The following DNAH14 variants were observed in gnomAD, a reference collection of about 807,000 sequenced individuals.
DNAH14 encodes dynein axonemal heavy chain 14, also known as axonemal beta dynein heavy chain 14.
In DNAH14, 478 loss-of-function variants were observed where a neutral mutation model predicts 520.9. The ratio of observed to expected loss-of-function variants is 0.92; its 90% confidence interval spans 0.85 to 0.99. The LOEUF (loss-of-function observed/expected upper bound fraction) is 0.99. DNAH14 is among the 50% of genes least tolerant of loss of function. DNAH14 has a pLI of 0.00. For missense variants in DNAH14, 4,831 were observed against 5,234.5 expected, an observed-to-expected ratio of 0.92 and a Z score of 2.38; for synonymous variants, 1,581 against 1,757.2, an observed-to-expected ratio of 0.90 and a Z score of 2.51.
intron 76 of DNAH14, among the ~76,000 whole-genome samples, chr1:225,366,880 A>G (rs2095559316): frequency 6.6e-6 from 1 of 152,056 alleles, no homozygotes. Context: ...AAAAGAGGAA[A>G]GGCTGCTTTG....
intron 83 of DNAH14, among the ~76,000 whole-genome samples, chr1:225,390,107 C>T (rs1037261711): frequency 1.3e-5 from 2 of 152,158 alleles, no homozygotes; most frequent in African/African-American, 4.8e-5. Flanking sequence ...ATTTCACCTG[C>T]GCCTTGGCAG....
chr1:225,097,375 T>G (rs2075081021), intron 22 of DNAH14, 136 bp downstream of exon 22: 1 of 801,668 alleles, frequency 1.2e-6, no homozygotes, highest in South Asian at 2.8e-5. Flanking sequence ...TATAATTTGC[T>G]GAATCATTAT....
At chr1:225,273,184 G>T in intron 52 of DNAH14, 59 bp downstream of exon 52, 1 of 1,478,994 alleles carries the variant, frequency 6.8e-7, no homozygotes, top group Non-Finnish European at 9.0e-7. Context: ...TGTAATCCCA[G>T]CACTTTGGGA....
At chr1:225,308,779 T>C (rs2094299758) in intron 60 of DNAH14, among the ~76,000 whole-genome samples, 1 of 152,214 alleles carries the variant, frequency 6.6e-6, no homozygotes, top group Non-Finnish European at 1.5e-5. Context: ...GTCACTTCTG[T>C]TGCTGACTGA....
At position 225,389,864 on chromosome 1, in the gene DNAH14, T is replaced by C; in HGVS notation, c.13321T>C (p.Phe4441Leu). Residue 4441 changes from phenylalanine (F) to leucine (L), a missense_variant, in exon 83 of 86, where the codon TTT (phenylalanine) becomes CTT (leucine). Coordinates refer to ENST00000682510, the MANE Select transcript of DNAH14 (RefSeq NM_001367479.1). ...AAGATACTGGCTCCCAGCTTTCTTC[T>C]TTCCACAAGGTGAGCATTAGAACCA... ...PSRYWLPAFF[F>L]PQAFLAAVLQ... The C allele has an allele frequency of 6.4e-7, 1 of 1,551,678 alleles. No individual in the cohort carries two copies.
intron 11 of DNAH14, among the ~76,000 whole-genome samples, chr1:225,029,231 G>C (rs958841511): frequency 1.3e-5 from 2 of 151,940 alleles, no homozygotes; most frequent in Admixed American, 1.3e-4. Flanking sequence ...AAACTGGAAG[G>C]GCAGAAATCA....
At chr1:225,225,865 C>A in intron 41 of DNAH14, among the ~76,000 whole-genome samples, 1 of 152,216 alleles carries the variant, frequency 6.6e-6, no homozygotes, top group Non-Finnish European at 1.5e-5. Context: ...TGCTAGGACC[C>A]AACCCAGTAC....
intron 60 of DNAH14, among the ~76,000 whole-genome samples, chr1:225,318,353 G>A (rs955241000): frequency 2.0e-5 from 3 of 152,134 alleles, no homozygotes; most frequent in Non-Finnish European, 4.4e-5. Flanking sequence ...CAGTGTTTTT[G>A]CTTCCCATGT....
chr1:225,305,009 C>T lies in DNAH14; in HGVS notation c.8925C>T (p.Thr2975=), dbSNP rs1422143338. Residue 2975 remains threonine, a synonymous_variant, in exon 58 of 86, where the codon ACC becomes ACT. Coordinates refer to ENST00000682510, the MANE Select transcript of DNAH14 (RefSeq NM_001367479.1). The stretch of plus-strand genomic sequence containing the variant: ...AAGAAACTGGAAGATTTTATTATAC[C>T]ACTCCCAATAGCTACTTGCAATTTA... ...YFEETGRFYY[T]TPNSYLQFME... The T allele has an allele frequency of 3.9e-6, 6 of 1,546,460 alleles. No homozygotes were observed. The Admixed American group carries it at 6.0e-5, about 16-fold the overall frequency.
intron 78 of DNAH14, among the ~76,000 whole-genome samples, chr1:225,376,106 C>A (rs956628272): frequency 6.6e-6 from 1 of 151,676 alleles, no homozygotes; most frequent in African/African-American, 2.4e-5. Context: ...GGAAAAAAAA[C>A]TGTTTAAAAT....
intron 35 of DNAH14, among the ~76,000 whole-genome samples, chr1:225,165,543 AT>A (rs1041805750): frequency 1.4e-5 from 2 of 145,870 alleles, no homozygotes; most frequent in Admixed American, 6.7e-5. Flanking sequence ...GATTTTATAG[AT>A]TTTGTTTTTT....
At chr1:225,245,541 C>T (rs115536631) in intron 43 of DNAH14, among the ~76,000 whole-genome samples, 1 of 152,026 alleles carries the variant, frequency 6.6e-6, no homozygotes, top group Admixed American at 6.6e-5. Flanking sequence ...CATTCCTATA[C>T]ACCAATATAG....
chr1:225,122,084 GA>G (rs910454556), intron 26 of DNAH14, among the ~76,000 whole-genome samples: 1 of 151,918 alleles, frequency 6.6e-6, no homozygotes, highest in Non-Finnish European at 1.5e-5. Flanking sequence ...TTAAAATGTA[GA>G]AAAAAAGTTC....
At chr1:224,940,264 C>T (rs2059322907) in intron 1 of DNAH14, among the ~76,000 whole-genome samples, 1 of 152,148 alleles carries the variant, frequency 6.6e-6, no homozygotes, top group Non-Finnish European at 1.5e-5. Flanking sequence ...TCTTTAAGGG[C>T]TGGGCCTGGA....
intron 8 of DNAH14, among the ~76,000 whole-genome samples, chr1:224,990,867 TCC>T (rs1168877327): frequency 5.9e-5 from 9 of 152,124 alleles, no homozygotes; most frequent in Non-Finnish European, 1.3e-4. Context: ...TTGAGGAACC[TCC>T]ATACAGTTTT....
At chr1:224,950,889 AT>A (rs2060129301) in intron 1 of DNAH14, among the ~76,000 whole-genome samples, 4 of 152,188 alleles carry the variant, frequency 2.6e-5, no homozygotes, top group African/African-American at 9.7e-5. Context: ...AAAATACTTA[AT>A]TATTATTACC....
chr1:225,166,212 A>G (rs772837901), intron 35 of DNAH14, among the ~76,000 whole-genome samples: 17 of 152,064 alleles, frequency 1.1e-4, no homozygotes, highest in Non-Finnish European at 2.1e-4. Context: ...ATGCCCATCA[A>G]TGGTTTTACT....
chr1:225,102,565 T>G (rs1488611997), intron 23 of DNAH14, among the ~76,000 whole-genome samples: 1 of 152,214 alleles, frequency 6.6e-6, no homozygotes, highest in Non-Finnish European at 1.5e-5. Flanking sequence ...GCTTCCTGAC[T>G]TTTTAATGAT....
intron 58 of DNAH14, 150 bp from the exon 59 acceptor site, chr1:225,307,311 G>A: frequency 1.7e-6 from 1 of 590,734 alleles, no homozygotes; most frequent in Non-Finnish European, 2.9e-6. Context: ...GGATTATATT[G>A]ATTGACTTTC....
Sources: gnomAD v4.1 joint callset for allele counts (sites outside exome capture counted in the v4.1 genomes callset) on GRCh38, gnomAD v4.1.1 for gene constraint, MANE v1.5 for transcripts, NCBI Gene and HGNC (gene_info 2026-07-23, HGNC 2026-07-21) for gene names.